DMXL2: variants seen among roughly 807,000 people sequenced by gnomAD.
DMXL2 encodes the protein Dmx like 2.
In DMXL2, 103 loss-of-function variants were observed where a neutral mutation model predicts 331.1. The observed-to-expected ratio is 0.31, with a 90% CI of 0.27 to 0.37. DMXL2 has a LOEUF of 0.37. DMXL2 is among the 10% of genes least tolerant of loss of function. The pLI, the probability that DMXL2 is intolerant of heterozygous loss-of-function variation, is 1.00. For missense variants in DMXL2, 3,171 were observed against 3,642.9 expected (o/e 0.87, Z 3.33); for synonymous variants, 1,281 against 1,252.1 (o/e 1.02, Z -0.49).
intron 33 of DMXL2, among the ~76,000 whole-genome samples, chr15:51,462,529 G>A (rs766917482): frequency 1.3e-5 from 2 of 152,026 alleles, no homozygotes; most frequent in Non-Finnish European, 2.9e-5. Context: ...TAGAGATGGG[G>A]TTTCTCCATG....
Position 51,481,123 on chromosome 15 carries a change from C to G in DMXL2, c.5983G>C (p.Gly1995Arg), listed in dbSNP as rs1454025245. Reference sequence around the variant, plus strand: ...GCATCTGTACTTTTCATCACTAAACCAACAGCATCGTCTTCCTCTTCATCT... The same window carrying G: ...GCATCTGTACTTTTCATCACTAAACGAACAGCATCGTCTTCCTCTTCATCT... ...ALDEEEDDAVGLVMKSTDARE... is the reference protein window; with the variant it reads ...ALDEEEDDAVRLVMKSTDARE... Residue 1995 changes from glycine (G) to arginine (R), a missense_variant, in exon 24 of 44, where the codon GGT (glycine) becomes CGT (arginine). Gly to Arg is a moderately radical substitution (Grantham distance 125, BLOSUM62 -2). This residue lies in a region of DMXL2 where 244 missense variants were observed against 251.4 expected (regional missense o/e 0.97). Coordinates refer to ENST00000560891, the MANE Select transcript of DMXL2 (RefSeq NM_001378457.1). 3 of 1,611,780 alleles carry G rather than the reference C, an allele frequency of 1.9e-6. No individual in the cohort carries two copies. The highest frequency in any genetic ancestry group is 2.5e-6 in the Non-Finnish European group (3 of 1,178,258).
intron 8 of DMXL2, among the ~76,000 whole-genome samples, chr15:51,544,108 T>G (rs1257395193): frequency 1.3e-5 from 2 of 152,164 alleles, no homozygotes; most frequent in East Asian, 3.8e-4. Flanking sequence ...GAAAAAAATG[T>G]AAAAATAGCG....
chr15:51,465,568 G>C lies in DMXL2; in HGVS notation c.7604C>G (p.Ser2535Cys). ...NFFPIAGLEF[S>C]ELPVTSPLGI... The stretch of plus-strand genomic sequence containing the variant: ...TAATTTTTAAATTCCAAACTCACCA[G>C]AGAATTCCAGTCCAGCAATAGGAAA... The change falls in exon 31 of 44, where the codon TCT (serine) becomes TGT (cysteine). Residue 2535 changes from serine to cysteine, a missense_variant and splice_region_variant. Coordinates refer to ENST00000560891, the MANE Select transcript of DMXL2 (RefSeq NM_001378457.1). The C allele has an allele frequency of 6.3e-7, 1 of 1,589,438 alleles. No individual in the cohort carries two copies. Among genetic ancestry groups the C allele is most frequent in the Non-Finnish European group, 8.6e-7 (1 of 1,166,632 alleles).
In DMXL2 at chr15:51,536,750, G is replaced by C; in HGVS notation, c.1730C>G (p.Thr577Arg). 6.2e-7 allele frequency: 1 copy of C among 1,614,014 alleles called. No individual in the cohort carries two copies. Among genetic ancestry groups the C allele is most frequent in the Non-Finnish European group, 8.5e-7 (1 of 1,179,970 alleles). Residue 577 changes from threonine to arginine, a missense_variant, in exon 12 of 44, where the codon ACG (threonine) becomes AGG (arginine). Thr to Arg is a moderately conservative substitution (Grantham distance 71, BLOSUM62 -1). This residue lies in a region of DMXL2 where 1,674 missense variants were observed against 1,780.2 expected (regional missense o/e 0.94). Transcript: ENST00000560891. The stretch of plus-strand genomic sequence containing the variant: ...AGACATCCCCTCCTGGTGTAACAGC[G>C]TGTGGTGAGAATCTTTTGTCGCATT... ...CINATKDSHH[T>R]LLHQEGMSVG...
chr15:51,465,376 C>T (rs2040481086), intron 31 of DMXL2, among the ~76,000 whole-genome samples, 190 bp downstream of exon 31: 1 of 152,152 alleles, frequency 6.6e-6, no homozygotes, highest in Admixed American at 6.5e-5. Context: ...GTCTGGGCAA[C>T]AGAGCGAGAC....
At chr15:51,463,720 C>A (rs2040325450) in intron 32 of DMXL2, among the ~76,000 whole-genome samples, 1 of 152,078 alleles carries the variant, frequency 6.6e-6, no homozygotes, top group African/African-American at 2.4e-5. Flanking sequence ...GCAACTAATT[C>A]TCTAATTACA....
At chr15:51,497,491 GA>G (rs1340298237) in intron 18 of DMXL2, among the ~76,000 whole-genome samples, 1 of 152,174 alleles carries the variant, frequency 6.6e-6, no homozygotes, top group Non-Finnish European at 1.5e-5. Flanking sequence ...CTATCTGCTA[GA>G]AGACTGTGAT....
intron 1 of DMXL2, among the ~76,000 whole-genome samples, chr15:51,619,716 G>T (rs188883760): frequency 1.3e-5 from 2 of 152,276 alleles, no homozygotes; most frequent in African/African-American, 4.8e-5. Flanking sequence ...TTTTGAAAAG[G>T]TTCTCAGGCT....
At chr15:51,501,235 T>A (rs1490657894) in intron 17 of DMXL2, among the ~76,000 whole-genome samples, 1 of 152,186 alleles carries the variant, frequency 6.6e-6, no homozygotes, top group African/African-American at 2.4e-5. Flanking sequence ...AGAAAACACC[T>A]ATACTGAATA....
rs139727538 is a variant in DMXL2, at chr15:51,481,337, C to T, written c.5769G>A (p.Gln1923=). ...CCATCCTGTGAGAAATGAAGTCAGG[C>T]TGATCTTTTTTTGCAGATAAGGCAG... The part of the protein sequence containing the change: ...KTSALSAKKD[Q]PDFISHRMDD... Residue 1923 remains glutamine (Q), a synonymous_variant, in exon 24 of 44, where the codon CAG becomes CAA. Coordinates refer to ENST00000560891, the MANE Select transcript of DMXL2 (RefSeq NM_001378457.1). 246 of 1,614,096 alleles carry T rather than the reference C, an allele frequency of 1.5e-4. 3 individuals carry two copies. The African/African-American group carries it at 3.1e-3, about 20-fold the overall frequency.
intron 41 of DMXL2, 90 bp from the exon 42 acceptor site, chr15:51,451,787 G>A: frequency 8.5e-7 from 1 of 1,182,560 alleles, no homozygotes; most frequent in South Asian, 1.3e-5. Flanking sequence ...CAAATATTTT[G>A]CTTATTCATT....
At chr15:51,492,195 G>A (rs766531526) in intron 19 of DMXL2, among the ~76,000 whole-genome samples, 1 of 152,198 alleles carries the variant, frequency 6.6e-6, no homozygotes, top group African/African-American at 2.4e-5. Context: ...CACAAGGTGT[G>A]TTATCCCCCA....
intron 6 of DMXL2, among the ~76,000 whole-genome samples, chr15:51,556,495 G>T (rs866191350): frequency 1.3e-5 from 2 of 151,912 alleles, no homozygotes; most frequent in African/African-American, 4.8e-5. Context: ...AAAGATGGCC[G>T]GGCACAGTGG....
chr15:51,559,501 G>A (rs2049814679), intron 6 of DMXL2, among the ~76,000 whole-genome samples: 1 of 152,120 alleles, frequency 6.6e-6, no homozygotes, highest in African/African-American at 2.4e-5. Context: ...GATCACTTGA[G>A]GTCAGGAGTT....
At position 51,529,103 on chromosome 15, in the gene DMXL2, A is replaced by G. The variant is rs2047854384; in HGVS notation, c.2436+6560T>C. ...CATACCAAAATCTATGGGATACTGCAAAAGCAGTACTAAAAGAGGGAAGTT... is the reference window on the plus strand; with the variant it reads ...CATACCAAAATCTATGGGATACTGCGAAAGCAGTACTAAAAGAGGGAAGTT... On this transcript the variant is annotated intron_variant, in intron 13 of 43. Transcript: ENST00000560891. Among the ~76,000 whole-genome samples, 7 of 152,148 alleles carry G rather than the reference A, an allele frequency of 4.6e-5. No homozygotes were observed. The South Asian group carries it at 1.4e-3, about 31-fold the overall frequency.
At position 51,537,769 on chromosome 15, in the gene DMXL2, A is replaced by C. The variant is rs1792692947; in HGVS notation, c.1346-10T>G. 6.2e-7 allele frequency: 1 copy of C among 1,607,096 alleles called. No individual in the cohort carries two copies. The highest frequency in any genetic ancestry group is 8.5e-7 in the Non-Finnish European group (1 of 1,176,066). On this transcript the variant is annotated splice_polypyrimidine_tract_variant and intron_variant, in intron 10 of 43. Transcript: ENST00000560891. ...CTATCCAGGGATAAATCTGAACCAG[A>C]AAATATATTTATCAATACAAGCATT... is the stretch of plus-strand genomic sequence containing the variant.
At chr15:51,453,512 G>T in intron 41 of DMXL2, 38 bp downstream of exon 41, 1 of 1,489,570 alleles carries the variant, frequency 6.7e-7, no homozygotes, top group Non-Finnish European at 9.2e-7. Context: ...GATTTCTAAC[G>T]TTTTTATATT....
intron 15 of DMXL2, among the ~76,000 whole-genome samples, chr15:51,512,158 T>C (rs1368724257): frequency 6.6e-6 from 1 of 152,150 alleles, no homozygotes; most frequent in Non-Finnish European, 1.5e-5. Flanking sequence ...ACCTGCATGT[T>C]CTGCACATGT....
rs559363820 is a variant in DMXL2 at position 51,527,316 on chromosome 15, T to C, written c.2436+8347A>G. 3.3e-5 allele frequency among the ~76,000 whole-genome samples: 5 copies of C among 152,004 alleles called. No homozygotes were observed. The East Asian group carries it at 7.7e-4, about 24-fold the overall frequency. On this transcript the variant is annotated intron_variant, in intron 13 of 43. Coordinates refer to ENST00000560891, the MANE Select transcript of DMXL2 (RefSeq NM_001378457.1). ...AAAAATATCCTTCAAACATGAAGGATAACTAAAAACTTTTTCAGACAGACA... is the reference window on the plus strand; with the variant it reads ...AAAAATATCCTTCAAACATGAAGGACAACTAAAAACTTTTTCAGACAGACA...
Sources: gnomAD v4.1 joint callset for allele counts (sites outside exome capture counted in the v4.1 genomes callset) on GRCh38, gnomAD v4.1.1 for gene constraint, gnomAD v4.1.1 regional missense constraint, MANE v1.5 for transcripts, NCBI Gene and HGNC (gene_info 2026-07-23, HGNC 2026-07-21) for gene names.